The following TAFA1 variants were observed in gnomAD, a reference collection of about 807,000 sequenced individuals.
TAFA1 encodes TAFA chemokine like family member 1, also known as chemokine-like protein TAFA-1.
In TAFA1, 4 loss-of-function variants were observed where a neutral mutation model predicts 18.5. That is an observed-to-expected ratio of 0.22 (90% CI 0.11 to 0.49). The LOEUF (loss-of-function observed/expected upper bound fraction) is 0.49. Ranked by LOEUF, TAFA1 falls within the 20% of genes least tolerant of loss-of-function variation. The pLI is 0.98. For synonymous variants in TAFA1, 56 were observed against 55.2 expected, an observed-to-expected ratio of 1.01 and a Z score of -0.06; for missense variants, 147 against 169.0, an observed-to-expected ratio of 0.87 and a Z score of 0.72.
At chr3:68,415,073 A>G (rs1481157342) in intron 2 of TAFA1, among the ~76,000 whole-genome samples, 1 of 152,106 alleles carries the variant, frequency 6.6e-6, no homozygotes, top group Non-Finnish European at 1.5e-5. Context: ...ATTAACTTGA[A>G]TCCCAGTGTC....
chr3:68,071,926 C>A (rs942820800), intron 2 of TAFA1, among the ~76,000 whole-genome samples: 1 of 152,090 alleles, frequency 6.6e-6, no homozygotes, highest in Non-Finnish European at 1.5e-5. Context: ...GTCCCAAACA[C>A]CTCCCACCAG....
chr3:68,151,717 A>T (rs1332382800), intron 2 of TAFA1, among the ~76,000 whole-genome samples: 1 of 152,184 alleles, frequency 6.6e-6, no homozygotes, highest in East Asian at 1.9e-4. Context: ...ATAAGGACAG[A>T]TCCCTTATGA....
At chr3:68,158,711 A>G (rs530870470) in intron 2 of TAFA1, among the ~76,000 whole-genome samples, 1 of 152,298 alleles carries the variant, frequency 6.6e-6, no homozygotes, top group African/African-American at 2.4e-5. Flanking sequence ...GATGACCTTA[A>G]CATTTTTTGG....
intron 2 of TAFA1, among the ~76,000 whole-genome samples, chr3:68,091,082 A>G (rs895988777): frequency 6.6e-6 from 1 of 152,180 alleles, no homozygotes; most frequent in African/African-American, 2.4e-5. Flanking sequence ...TCGTTGTCTA[A>G]TGTTGTTCTA....
intron 2 of TAFA1, among the ~76,000 whole-genome samples, chr3:68,282,483 C>T (rs547354901): frequency 1.3e-5 from 2 of 152,144 alleles, no homozygotes; most frequent in South Asian, 4.1e-4. Flanking sequence ...CTTCTTAATA[C>T]AAAATTAAGA....
At chr3:68,393,535 A>C (rs7610443) in intron 2 of TAFA1, among the ~76,000 whole-genome samples, 73,389 of 151,960 alleles carry the variant, frequency 0.48, 18,209 homozygotes, top group African/African-American at 0.52. Context: ...ATCCTGATAG[A>C]AAAACCTGGC....
intron 2 of TAFA1, among the ~76,000 whole-genome samples, chr3:68,397,565 G>A (rs148886656): frequency 0.014 from 2,108 of 152,208 alleles, 49 homozygotes; most frequent in South Asian, 0.046. Context: ...GTCTATCATT[G>A]ATGGACATTT....
intron 2 of TAFA1, among the ~76,000 whole-genome samples, chr3:68,213,600 C>G (rs1388343108): frequency 2.0e-5 from 3 of 152,022 alleles, no homozygotes; most frequent in African/African-American, 7.2e-5. Context: ...ATTAGATCTT[C>G]GGAGAAATGT....
chr3:68,396,553 T>A (rs1033606279), intron 2 of TAFA1, among the ~76,000 whole-genome samples: 4 of 152,232 alleles, frequency 2.6e-5, no homozygotes, highest in Non-Finnish European at 4.4e-5. Flanking sequence ...AGTAGATGGT[T>A]CCTTCTCATT....
chr3:68,161,004 G>A (rs1299093797), intron 2 of TAFA1, among the ~76,000 whole-genome samples: 2 of 152,170 alleles, frequency 1.3e-5, no homozygotes, highest in Non-Finnish European at 2.9e-5. Flanking sequence ...TATCCATTTA[G>A]ATCCACATCT....
At chr3:68,461,059 AT>A in intron 3 of TAFA1, among the ~76,000 whole-genome samples, 1 of 152,100 alleles carries the variant, frequency 6.6e-6, no homozygotes, top group East Asian at 2.0e-4. Flanking sequence ...AGGTGGGTGG[AT>A]CCCCTGAGGT....
intron 3 of TAFA1, among the ~76,000 whole-genome samples, chr3:68,488,264 C>T (rs912665151): frequency 1.3e-5 from 2 of 152,162 alleles, no homozygotes; most frequent in Non-Finnish European, 2.9e-5. Flanking sequence ...GGGCAGGAAG[C>T]ATGCAGCATG....
At chr3:68,445,508 A>T (rs556089927) in intron 3 of TAFA1, among the ~76,000 whole-genome samples, 1 of 152,278 alleles carries the variant, frequency 6.6e-6, no homozygotes, top group South Asian at 2.1e-4. Context: ...ATATTGAACA[A>T]ATATATAAAT....
intron 2 of TAFA1, among the ~76,000 whole-genome samples, chr3:68,415,944 G>T (rs995588937): frequency 6.6e-6 from 1 of 152,162 alleles, no homozygotes. Context: ...TTAGGCCAGG[G>T]TTTCTCAACA....
intron 2 of TAFA1, among the ~76,000 whole-genome samples, chr3:68,148,801 A>AT (rs945790438): frequency 1.6e-4 from 25 of 152,270 alleles, no homozygotes; most frequent in African/African-American, 5.3e-4. Flanking sequence ...TTATACAGGG[A>AT]TTTTTTATCA....
At chr3:68,393,183 G>C (rs571436362) in intron 2 of TAFA1, among the ~76,000 whole-genome samples, 1 of 151,888 alleles carries the variant, frequency 6.6e-6, no homozygotes, top group Admixed American at 6.6e-5. Flanking sequence ...TATCACCACC[G>C]ATCCCACAGA....
chr3:68,195,719 C>T (rs907894146), intron 2 of TAFA1, among the ~76,000 whole-genome samples: 15 of 151,616 alleles, frequency 9.9e-5, no homozygotes, highest in South Asian at 2.1e-4. Flanking sequence ...AGTATGATCA[C>T]GCTATGTTTG....
chr3:68,300,527 C>T (rs1359630479), intron 2 of TAFA1, among the ~76,000 whole-genome samples: 1 of 152,042 alleles, frequency 6.6e-6, no homozygotes, highest in Non-Finnish European at 1.5e-5. Context: ...TGGACTTGGG[C>T]TTTTGGGTTA....
chr3:68,131,061 A>G (rs946163208), intron 2 of TAFA1, among the ~76,000 whole-genome samples: 14 of 152,194 alleles, frequency 9.2e-5, no homozygotes, highest in African/African-American at 2.9e-4. Context: ...CATGGCATAT[A>G]GTGGGCTCTT....
Sources: gnomAD v4.1 joint callset for allele counts (sites outside exome capture counted in the v4.1 genomes callset) on GRCh38, gnomAD v4.1.1 for gene constraint, MANE v1.5 for transcripts, NCBI Gene and HGNC (gene_info 2026-07-23, HGNC 2026-07-21) for gene names.